Variants in SPATA13 observed in about 807,000 individuals in gnomAD.
SPATA13 encodes the protein spermatogenesis associated 13.
Under a neutral mutation model 104.0 loss-of-function variants are expected in SPATA13, and 50 were observed. That is an observed-to-expected ratio of 0.48 (90% CI 0.38 to 0.61). The LOEUF is 0.61. Ranked by LOEUF, SPATA13 falls within the 20% of genes least tolerant of loss-of-function variation. SPATA13 has a pLI of 0.00. For missense variants in SPATA13, 1,524 were observed against 1,690.6 expected (o/e 0.90, Z 1.73); for synonymous variants, 606 against 667.5 (o/e 0.91, Z 1.42).
At position 24,121,758 on chromosome 13, in the gene SPATA13, T is replaced by A. The variant is rs117269110; in HGVS notation, c.-111-101061T>A. On this transcript the variant is annotated intron_variant, in intron 3 of 14. Coordinates refer to the SPATA13 transcript ENST00000424834. The stretch of plus-strand genomic sequence containing the variant: ...AAAAAGAAAAGCTGCCTTCATGACA[T>A]CCCCTCGTGTTTCAGATTTCCACAG... 4.2e-3 allele frequency among the ~76,000 whole-genome samples: 643 copies of A among 152,222 alleles called. 12 individuals are homozygous for A. In the East Asian group the frequency reaches 0.069, roughly 16 times the overall value.
intron 3 of SPATA13, among the ~76,000 whole-genome samples, chr13:24,082,847 A>C (rs981915147): frequency 6.6e-6 from 1 of 150,710 alleles, no homozygotes; most frequent in Non-Finnish European, 1.5e-5. Context: ...AAAAAAAAAA[A>C]AAAAAAATAA....
chr13:24,066,594 G>A (rs1878971814), intron 3 of SPATA13, among the ~76,000 whole-genome samples: 1 of 152,162 alleles, frequency 6.6e-6, no homozygotes, highest in Admixed American at 6.5e-5. Context: ...CACCCATGGA[G>A]GGGACAGCAG....
intron 2 of SPATA13, among the ~76,000 whole-genome samples, chr13:24,230,320 A>T (rs1188776976): frequency 1.3e-5 from 2 of 152,194 alleles, no homozygotes; most frequent in African/African-American, 4.8e-5. Context: ...GAATGTGTGC[A>T]GGTCATTATG....
At chr13:24,114,571 T>G (rs1405869302) in intron 3 of SPATA13, among the ~76,000 whole-genome samples, 1 of 152,230 alleles carries the variant, frequency 6.6e-6, no homozygotes, top group African/African-American at 2.4e-5. Context: ...TTTTTTTGTT[T>G]TTAGATGATT....
rs184359598 is a variant in SPATA13, at chr13:24,154,962, A to G, written c.-111-67857A>G. Among the ~76,000 whole-genome samples the G allele has an allele frequency of 3.7e-3, 557 of 152,294 alleles. 1 individual carries two copies. Among genetic ancestry groups the G allele is most frequent in the Non-Finnish European group, 5.7e-3 (385 of 68,028 alleles). On this transcript the variant is annotated intron_variant, in intron 3 of 14. Transcript: ENST00000424834. ...AAACTCCAACTCCCAGGTTCAAGTG[A>G]TTCTCATGCCTCAGCCTCCCTTGTA...
intron 4 of SPATA13, among the ~76,000 whole-genome samples, chr13:24,277,405 T>C (rs537179202): frequency 2.2e-4 from 32 of 142,744 alleles, no homozygotes; most frequent in East Asian, 1.2e-3. Flanking sequence ...GATCGCGCCA[T>C]TGCACTCCAG....
intron 3 of SPATA13, among the ~76,000 whole-genome samples, chr13:24,042,649 T>C (rs911577744): frequency 2.0e-5 from 3 of 152,230 alleles, no homozygotes; most frequent in Non-Finnish European, 4.4e-5. Context: ...GGGTAAACCT[T>C]ACTGAACTAA....
At chr13:23,989,893 A>G (rs1269503644) in intron 2 of SPATA13, among the ~76,000 whole-genome samples, 1 of 152,138 alleles carries the variant, frequency 6.6e-6, no homozygotes, top group Non-Finnish European at 1.5e-5. Context: ...ATGCAGTGAG[A>G]TGGTACCATC....
At chr13:24,259,456 G>A (rs927070524) in intron 4 of SPATA13, among the ~76,000 whole-genome samples, 2 of 152,214 alleles carry the variant, frequency 1.3e-5, no homozygotes, top group African/African-American at 4.8e-5. Context: ...ACATTTTCCA[G>A]TGAGTTTAAG....
chr13:24,020,660 GTTAA>G (rs1225558704), intron 3 of SPATA13, among the ~76,000 whole-genome samples: 4 of 152,220 alleles, frequency 2.6e-5, no homozygotes, highest in Non-Finnish European at 4.4e-5. Context: ...AAGTTATGCA[GTTAA>G]TTAAGAGACA....
intron 3 of SPATA13, among the ~76,000 whole-genome samples, chr13:24,054,352 T>C (rs940773208): frequency 6.6e-6 from 1 of 152,236 alleles, no homozygotes; most frequent in African/African-American, 2.4e-5. Flanking sequence ...AAATTAGCTC[T>C]GTCCAAGTAT....
At chr13:24,175,241 A>ATTTGTT (rs1167846875) in intron 1 of SPATA13, among the ~76,000 whole-genome samples, 1 of 151,640 alleles carries the variant, frequency 6.6e-6, no homozygotes, top group African/African-American at 2.4e-5. Flanking sequence ...GTTTTTTTTA[A>ATTTGTT]TTTGTTTTTG....
Position 24,223,377 on chromosome 13 carries a change from A to G in SPATA13, c.448A>G (p.Asn150Asp). 6.4e-7 allele frequency: 1 copy of G among 1,551,332 alleles called. No homozygotes were observed. Among genetic ancestry groups the G allele is most frequent in the Non-Finnish European group, 8.7e-7 (1 of 1,146,984 alleles). ...SEHGLGKSIP[N>D]GAVPGAQASR... is the part of the protein sequence containing the mutation. ...GCATGGCCTGGGAAAGTCCATCCCA[A>G]ATGGCGCTGTCCCAGGAGCCCAGGC... Residue 150 changes from asparagine (N) to aspartate (D), a missense_variant, in exon 2 of 13, where the codon AAT (asparagine) becomes GAT (aspartate). Asn to Asp is a conservative substitution (Grantham distance 23). Around this residue, in one of 2 missense-constraint regions of SPATA13, gnomAD observed 1,089 missense variants for 1,135.9 expected, o/e 0.96. Transcript: ENST00000382108.
chr13:24,154,082 T>C lies in SPATA13; in HGVS notation c.-111-68737T>C, dbSNP rs573310289. Among the ~76,000 whole-genome samples the C allele has an allele frequency of 1.4e-3, 220 of 152,116 alleles. 1 individual carries two copies. The highest frequency in any genetic ancestry group is 4.6e-3 in the African/African-American group (190 of 41,486). ...GTGAAGGTGGGGGACCATGTAGAAC[T>C]CTCTTCTACCACTTGTGGGAGTGTA... On this transcript the variant is annotated intron_variant, in intron 3 of 14. Coordinates refer to the SPATA13 transcript ENST00000424834.
rs1471269713 is a variant in SPATA13 at position 24,224,311 on chromosome 13, C to T, written c.1382C>T (p.Pro461Leu). Residue 461 changes from proline to leucine, a missense_variant, in exon 2 of 13, where the codon CCC (proline) becomes CTC (leucine). Coordinates refer to ENST00000382108, the MANE Select transcript of SPATA13 (RefSeq NM_001166271.3). ...TTGACATTTGACCCTGAGCAGCCTC[C>T]CACCCCTCTAAGGCCCACCACACCC... ...SQLTFDPEQP[P>L]TPLRPTTPKP... 1 of 1,551,642 alleles carries T rather than the reference C, an allele frequency of 6.4e-7. No individual in the cohort carries two copies. The highest frequency in any genetic ancestry group is 1.4e-5 in the African/African-American group (1 of 73,050).
At chr13:24,198,321 C>T (rs1208811248) in intron 1 of SPATA13, among the ~76,000 whole-genome samples, 1 of 152,140 alleles carries the variant, frequency 6.6e-6, no homozygotes, top group African/African-American at 2.4e-5. Flanking sequence ...ACTCACTGGA[C>T]TAAATGTCAG....
intron 2 of SPATA13, among the ~76,000 whole-genome samples, chr13:24,225,995 C>A (rs1448495172): frequency 6.6e-6 from 1 of 152,206 alleles, no homozygotes; most frequent in African/African-American, 2.4e-5. Context: ...GAACAACTCT[C>A]AGCCCATAGG....
chr13:24,228,108 CTTTTTTTTTTTTTTT>C (rs71186818), intron 2 of SPATA13, among the ~76,000 whole-genome samples: 5 of 102,284 alleles, frequency 4.9e-5, no homozygotes, highest in African/African-American at 2.3e-4. Context: ...CTCTTGTACT[CTTTTTTTTTTTTTTT>C]TTTTTTTTGA....
intron 1 of SPATA13, among the ~76,000 whole-genome samples, chr13:24,187,014 C>T (rs17080334): frequency 0.044 from 6,733 of 152,216 alleles, 464 homozygotes; most frequent in African/African-American, 0.15. Context: ...AAAGAGACTT[C>T]TCTTAATCCT....
Sources: allele counts gnomAD v4.1 joint callset (sites outside exome capture counted in the v4.1 genomes callset), GRCh38; gene constraint gnomAD v4.1.1; regional missense constraint gnomAD v4.1.1; transcripts MANE v1.5; gene names NCBI Gene and HGNC (gene_info 2026-07-23, HGNC 2026-07-21).